RPS17: variants seen among roughly 807,000 people sequenced by gnomAD.
The protein encoded by RPS17 is small ribosomal subunit protein eS17.
For missense variants in RPS17, 68 were observed against 182.3 expected, an observed-to-expected ratio of 0.37 and a Z score of 3.61; for synonymous variants, 75 against 65.6, an observed-to-expected ratio of 1.14 and a Z score of -0.70.
chr15:82,536,993 G>A (rs937865574), intron 4 of RPS17, 112 bp from the exon 5 acceptor site: 23 of 1,203,496 alleles, frequency 1.9e-5, no homozygotes, highest in Non-Finnish European at 2.7e-5. Flanking sequence ...GTCCAGAGGC[G>A]ACCTGAAGGA....
chr15:82,540,452 G>C lies in RPS17; in HGVS notation c.-24C>G, dbSNP rs751731453. 1 of 1,589,752 alleles carries C rather than the reference G, an allele frequency of 6.3e-7. No individual in the cohort carries two copies. Among genetic ancestry groups the C allele is most frequent in the Non-Finnish European group, 8.6e-7 (1 of 1,169,378 alleles). On this transcript the variant is annotated 5_prime_UTR_variant, in exon 1 of 5. Coordinates refer to ENST00000647841, the MANE Select transcript of RPS17 (RefSeq NM_001021.6). ...ATGTTGGCGGGTCCTTGGTAAAAGAGGAAACAGGAAGCACAGGCGAAGCCT... is the reference window on the plus strand; with the variant it reads ...ATGTTGGCGGGTCCTTGGTAAAAGACGAAACAGGAAGCACAGGCGAAGCCT...
chr15:82,540,266 G>GGGCGCCGGGCTTAATGCGGAA, intron 1 of RPS17, 134 bp from the exon 2 acceptor site: 4 of 1,600,954 alleles, frequency 2.5e-6, no homozygotes, highest in Non-Finnish European at 2.6e-6. Context: ...AAACAGTGCC[G>GGGCGCCGGGCTTAATGCGGAA]GGCGCCGGGC....
chr15:82,539,505 T>C (rs947310392), intron 2 of RPS17: 9 of 457,640 alleles, frequency 2.0e-5, no homozygotes, highest in South Asian at 3.1e-5. Context: ...CTGGTCAACA[T>C]TGTGAAACCC....
At chr15:82,538,524 G>A in intron 3 of RPS17, 153 bp from the exon 4 acceptor site, 1 of 836,330 alleles carries the variant, frequency 1.2e-6, no homozygotes, top group Non-Finnish European at 2.0e-6. Flanking sequence ...CAGTATTACA[G>A]ACCCCGATGA....
chr15:82,539,782 G>T, intron 2 of RPS17, 199 bp downstream of exon 2: 1 of 927,932 alleles, frequency 1.1e-6, no homozygotes, highest in Non-Finnish European at 1.7e-6. Flanking sequence ...CTTCGACCCA[G>T]GGTCACCGCG....
chr15:82,537,809 A>G (rs2034267014), intron 4 of RPS17: 1 of 452,100 alleles, frequency 2.2e-6, no homozygotes, highest in South Asian at 1.6e-5. Flanking sequence ...CCAACCGCCC[A>G]TGAAGCCCAT....
intron 2 of RPS17, 85 bp from the exon 3 acceptor site, chr15:82,539,070 C>A (rs2034292792): frequency 4.6e-6 from 6 of 1,313,232 alleles, no homozygotes; most frequent in Non-Finnish European, 6.6e-6. Flanking sequence ...TATATAAATA[C>A]CCGCTTTAGT....
chr15:82,539,017 G>A, intron 2 of RPS17, 32 bp from the exon 3 acceptor site: 2 of 1,606,482 alleles, frequency 1.2e-6, no homozygotes, highest in Admixed American at 3.3e-5. Context: ...AGAGAACAGT[G>A]AGAAGACAAA....
intron 3 of RPS17, 77 bp from the exon 4 acceptor site, chr15:82,538,448 TC>T: frequency 6.6e-7 from 1 of 1,515,724 alleles, no homozygotes; most frequent in Non-Finnish European, 9.1e-7. Context: ...CTCCCCAGGT[TC>T]TTAAATATGG....
chr15:82,540,441 T>C lies in RPS17; in HGVS notation c.-13A>G, dbSNP rs2034332349. 1 of 1,592,774 alleles carries C rather than the reference T, an allele frequency of 6.3e-7. No individual in the cohort carries two copies. The highest frequency in any genetic ancestry group is 8.5e-7 in the Non-Finnish European group (1 of 1,171,096). Reference sequence around the variant, plus strand: ...AAACACCTACCATGTTGGCGGGTCCTTGGTAAAAGAGGAAACAGGAAGCAC... The same window carrying C: ...AAACACCTACCATGTTGGCGGGTCCCTGGTAAAAGAGGAAACAGGAAGCAC... On this transcript the variant is annotated 5_prime_UTR_variant, in exon 1 of 5. Transcript: ENST00000647841.
Position 82,539,970 on chromosome 15 carries a change from G to T in RPS17, c.155+11C>A. The T allele has an allele frequency of 1.2e-6, 2 of 1,612,078 alleles. No individual in the cohort carries two copies. The highest frequency in any genetic ancestry group is 1.7e-6 in the Non-Finnish European group (2 of 1,179,876). On this transcript the variant is annotated intron_variant, in intron 2 of 4. Transcript: ENST00000647841. The stretch of plus-strand genomic sequence containing the variant: ...CGCGGAGCCCCGGAGGCCGAGGAAG[G>T]CCCGACTCACCCTGCTATCTTGTTG...
intron 4 of RPS17, 151 bp downstream of exon 4, chr15:82,538,155 A>T (rs1298166282): frequency 1.3e-6 from 1 of 791,276 alleles, no homozygotes; most frequent in East Asian, 2.6e-5. Flanking sequence ...CTTCCGCTAC[A>T]CCCCTTATGA....
At position 82,539,074 on chromosome 15, in the gene RPS17, C is replaced by T; in HGVS notation, c.156-89G>A. The T allele has an allele frequency of 2.3e-6, 3 of 1,281,096 alleles. No homozygotes were observed. The South Asian group carries it at 3.6e-5, about 15-fold the overall frequency. 79.4% of individuals were successfully genotyped at this position (1,281,096 alleles called of 1,614,324 possible). ...GCACATGTGCATATATAAATACCCG[C>T]TTTAGTTCTTTTCCACAGTGAGAAG... On this transcript the variant is annotated intron_variant, in intron 2 of 4. Transcript: ENST00000647841.
At chr15:82,537,405 C>A in intron 4 of RPS17, 1 of 264,848 alleles carries the variant, frequency 3.8e-6, no homozygotes, top group Non-Finnish European at 7.3e-6. Flanking sequence ...CTTTCCAGGA[C>A]CAGCCCTGGG....
rs1378125490 is a variant in RPS17 at position 82,536,925 on chromosome 15, CTG to C, written c.328-46_328-45del. The C allele has an allele frequency of 2.2e-5, 36 of 1,609,944 alleles. No homozygotes were observed. In the African/African-American group the frequency reaches 3.6e-4, roughly 16 times the overall value. ...TTCAGTGAGCAGTTACTGGTGAGATCTGTGAGTGGACCCCAGAAGAAAACACA... is the reference window on the plus strand; with the variant it reads ...TTCAGTGAGCAGTTACTGGTGAGATCTGAGTGGACCCCAGAAGAAAACACA... On this transcript the variant is annotated intron_variant, in intron 4 of 4. Coordinates refer to ENST00000647841, the MANE Select transcript of RPS17 (RefSeq NM_001021.6).
chr15:82,539,948 G>T, intron 2 of RPS17, 33 bp downstream of exon 2: 1 of 1,612,050 alleles, frequency 6.2e-7, no homozygotes. Flanking sequence ...AACAGATCGC[G>T]GAGCCCCGGA....
At chr15:82,540,318 G>GCCC in intron 1 of RPS17, 108 bp downstream of exon 1, 1 of 1,581,254 alleles carries the variant, frequency 6.3e-7, no homozygotes, top group Non-Finnish European at 8.6e-7. Context: ...CAGCCTGACA[G>GCCC]GGCTCTGCGC....
chr15:82,539,809 G>A (rs1204789261), intron 2 of RPS17, 172 bp downstream of exon 2: 31 of 1,199,360 alleles, frequency 2.6e-5, no homozygotes, highest in South Asian at 1.3e-4. Flanking sequence ...CATGACACAG[G>A]CCTAAGTTCA....
chr15:82,539,064 T>C (rs1382133687), intron 2 of RPS17, 79 bp from the exon 3 acceptor site: 5 of 1,341,736 alleles, frequency 3.7e-6, no homozygotes, highest in East Asian at 2.3e-5. Context: ...TGTGCATATA[T>C]AAATACCCGC....
Sources: gnomAD v4.1 joint callset for allele counts on GRCh38, gnomAD v4.1.1 for gene constraint, MANE v1.5 for transcripts, NCBI Gene and HGNC (gene_info 2026-07-23, HGNC 2026-07-21) for gene names.